Variants in NKAIN3 observed in about 807,000 individuals in gnomAD.
NKAIN3 encodes the protein sodium/potassium transporting ATPase interacting 3, also known as sodium/potassium-transporting ATPase subunit beta-1-interacting protein 3.
In NKAIN3, 25 loss-of-function variants were observed where a neutral mutation model predicts 30.2. That is an observed-to-expected ratio of 0.83 (90% CI 0.60 to 1.16). The LOEUF (loss-of-function observed/expected upper bound fraction) is 1.16, where lower values mean the gene tolerates loss of function less well. NKAIN3 is among the 50% of genes most tolerant of loss of function. The probability of loss-of-function intolerance (pLI) is 0.00; values close to 1 mark genes in which losing one functional copy is unlikely to be tolerated. For missense variants in NKAIN3, 225 were observed against 254.1 expected (o/e 0.89, Z 0.78); for synonymous variants, 91 against 89.6 (o/e 1.02, Z -0.09).
intron 1 of NKAIN3, among the ~76,000 whole-genome samples, chr8:62,491,586 T>C (rs1807067822): frequency 6.6e-6 from 1 of 152,164 alleles, no homozygotes; most frequent in South Asian, 2.1e-4. Flanking sequence ...AGCCAGAGAT[T>C]AGCAATTCAC....
intron 3 of NKAIN3, among the ~76,000 whole-genome samples, chr8:62,729,651 C>A (rs1349948654): frequency 6.6e-6 from 1 of 151,978 alleles, no homozygotes; most frequent in Non-Finnish European, 1.5e-5. Context: ...CTTTGTATAA[C>A]TGAAGTAACA....
At chr8:62,495,505 A>G (rs1417208692) in intron 1 of NKAIN3, among the ~76,000 whole-genome samples, 2 of 150,828 alleles carry the variant, frequency 1.3e-5, no homozygotes, top group Non-Finnish European at 3.0e-5. Context: ...GAAGAATACA[A>G]AAGTAGACCT....
At chr8:62,964,329 A>G (rs1271706672) in intron 6 of NKAIN3, among the ~76,000 whole-genome samples, 1 of 152,208 alleles carries the variant, frequency 6.6e-6, no homozygotes, top group Non-Finnish European at 1.5e-5. Context: ...TTTATGAAGT[A>G]TCATCTATGT....
intron 1 of NKAIN3, among the ~76,000 whole-genome samples, chr8:62,431,566 T>C (rs1804998489): frequency 6.6e-6 from 1 of 151,940 alleles, no homozygotes; most frequent in Non-Finnish European, 1.5e-5. Context: ...GTAAAAGCTT[T>C]TTTTGATGAA....
chr8:62,868,007 T>G (rs923544834), intron 4 of NKAIN3, among the ~76,000 whole-genome samples: 1 of 152,240 alleles, frequency 6.6e-6, no homozygotes, highest in African/African-American at 2.4e-5. Flanking sequence ...ACTGAATCAT[T>G]AAACTGACAG....
intron 1 of NKAIN3, among the ~76,000 whole-genome samples, chr8:62,385,977 T>G (rs1300175556): frequency 6.6e-6 from 1 of 152,194 alleles, no homozygotes; most frequent in Non-Finnish European, 1.5e-5. Flanking sequence ...GGAGCCTCAG[T>G]TTTCCTCTAC....
At chr8:62,661,931 C>T (rs1046461280) in intron 3 of NKAIN3, among the ~76,000 whole-genome samples, 21 of 152,196 alleles carry the variant, frequency 1.4e-4, no homozygotes, top group East Asian at 5.8e-4. Context: ...TTCCACTCAC[C>T]AAGGTCTCCA....
At chr8:62,781,347 C>T (rs1218846893) in intron 4 of NKAIN3, among the ~76,000 whole-genome samples, 4 of 151,416 alleles carry the variant, frequency 2.6e-5, no homozygotes, top group Non-Finnish European at 5.9e-5. Context: ...TTAATCATAC[C>T]ACCCAAAGGA....
intron 1 of NKAIN3, among the ~76,000 whole-genome samples, chr8:62,423,382 C>A (rs765988421): frequency 6.6e-6 from 1 of 150,740 alleles, no homozygotes; most frequent in African/African-American, 2.4e-5. Context: ...AGCATGTGCC[C>A]TATAAAATCT....
intron 4 of NKAIN3, among the ~76,000 whole-genome samples, chr8:62,765,690 T>G (rs747142414): frequency 6.6e-6 from 1 of 152,178 alleles, no homozygotes; most frequent in Middle Eastern, 3.2e-3. Context: ...TCTATTAGAT[T>G]TAATTGAATA....
chr8:62,990,183 A>T, intron 5 of NKAIN3: 1 of 1,420,486 alleles, frequency 7.0e-7, no homozygotes. Flanking sequence ...TGTGATCTGC[A>T]AGTATGCAAA....
intron 3 of NKAIN3, among the ~76,000 whole-genome samples, chr8:62,703,517 A>G (rs1313369910): frequency 6.6e-6 from 1 of 152,240 alleles, no homozygotes; most frequent in Non-Finnish European, 1.5e-5. Flanking sequence ...ATTACTAATT[A>G]CTTAGAAATT....
At chr8:62,674,187 C>A (rs1016070043) in intron 3 of NKAIN3, among the ~76,000 whole-genome samples, 2 of 152,212 alleles carry the variant, frequency 1.3e-5, no homozygotes, top group Non-Finnish European at 2.9e-5. Flanking sequence ...TGGCCACATC[C>A]AGACATATGG....
chr8:62,500,709 G>A (rs1563427715), intron 1 of NKAIN3, among the ~76,000 whole-genome samples: 1 of 152,134 alleles, frequency 6.6e-6, no homozygotes, highest in East Asian at 1.9e-4. Flanking sequence ...TGGGCAGGAA[G>A]GGACAAGGAT....
At chr8:62,361,026 A>G (rs1040698882) in intron 1 of NKAIN3, among the ~76,000 whole-genome samples, 2 of 92,690 alleles carry the variant, frequency 2.2e-5, no homozygotes, top group African/African-American at 3.9e-5. Context: ...AAAAAAAAAA[A>G]AAAAATGGCA....
chr8:62,509,351 A>C (rs574740846), intron 1 of NKAIN3, among the ~76,000 whole-genome samples: 59 of 152,248 alleles, frequency 3.9e-4, no homozygotes, highest in African/African-American at 1.1e-3. Context: ...CCTTCTATCC[A>C]GGAAGAGTTC....
chr8:62,738,463 G>C (rs1239694151), intron 3 of NKAIN3, among the ~76,000 whole-genome samples: 1 of 152,106 alleles, frequency 6.6e-6, no homozygotes, highest in East Asian at 1.9e-4. Context: ...GCCGGGCATG[G>C]TGGCATGTGC....
intron 1 of NKAIN3, among the ~76,000 whole-genome samples, chr8:62,276,991 C>T (rs1418470629): frequency 6.6e-6 from 1 of 152,014 alleles, no homozygotes; most frequent in African/African-American, 2.4e-5. Flanking sequence ...ACTTTGAATT[C>T]TGTAAGTTTT....
intron 4 of NKAIN3, among the ~76,000 whole-genome samples, chr8:62,783,843 C>T (rs1418375014): frequency 1.3e-5 from 2 of 151,816 alleles, no homozygotes; most frequent in African/African-American, 4.8e-5. Flanking sequence ...GTTTGTTTCA[C>T]CATGTTGCCC....
Sources: allele counts gnomAD v4.1 joint callset (sites outside exome capture counted in the v4.1 genomes callset), GRCh38; gene constraint gnomAD v4.1.1; transcripts MANE v1.5; gene names NCBI Gene and HGNC (gene_info 2026-07-23, HGNC 2026-07-21).